Variants in HIVEP2 observed in about 807,000 individuals in gnomAD.
HIVEP2 encodes the protein HIVEP zinc finger 2.
A neutral mutation model predicts 180.7 loss-of-function variants in HIVEP2; 14 were observed. The observed-to-expected ratio is 0.08, with a 90% confidence interval of 0.05 to 0.12. The LOEUF (loss-of-function observed/expected upper bound fraction) is 0.12. Ranked by LOEUF, HIVEP2 falls within the 10% of genes least tolerant of loss-of-function variation. The probability of loss-of-function intolerance (pLI) is 1.00; values close to 1 mark genes in which losing one functional copy is unlikely to be tolerated. For synonymous variants in HIVEP2, 1,184 were observed against 1,136.4 expected, an observed-to-expected ratio of 1.04 and a Z score of -0.84; for missense variants, 2,579 against 3,008.5, an observed-to-expected ratio of 0.86 and a Z score of 3.34.
chr6:142,843,348 G>A (rs1002148952), intron 1 of HIVEP2, among the ~76,000 whole-genome samples: 1 of 152,074 alleles, frequency 6.6e-6, no homozygotes, highest in Non-Finnish European at 1.5e-5. Flanking sequence ...AGGTGACTGA[G>A]CTAATACAGA....
At chr6:142,754,270 CAA>C (rs34687776) in intron 9 of HIVEP2, among the ~76,000 whole-genome samples, 3 of 132,834 alleles carry the variant, frequency 2.3e-5, no homozygotes, top group Admixed American at 7.3e-5. Flanking sequence ...GGATAATTGG[CAA>C]AAAAAAAAAG....
chr6:142,791,931 AGGAGATTGCTTAGAAATGC>A, intron 2 of HIVEP2, among the ~76,000 whole-genome samples: 1 of 152,332 alleles, frequency 6.6e-6, no homozygotes, highest in South Asian at 2.1e-4. Flanking sequence ...ATATGAAGAC[AGGAGATTGCTTAGAAATGC>A]TGCATTTAAG....
chr6:142,825,973 G>A (rs935710204), intron 2 of HIVEP2, among the ~76,000 whole-genome samples: 3 of 151,782 alleles, frequency 2.0e-5, no homozygotes, highest in African/African-American at 7.3e-5. Flanking sequence ...TTAAAATAAA[G>A]CAATAAATAT....
rs1480804660 is a variant in HIVEP2, at chr6:142,773,056, T to C, written c.1683A>G (p.Arg561=). The change falls in exon 5 of 10, where the codon AGA becomes AGG. Residue 561 remains arginine, a synonymous_variant. Coordinates refer to ENST00000367603, the MANE Select transcript of HIVEP2 (RefSeq NM_006734.4). ...TCCTTTCATCAAATGAGTGACTTCC[T>C]CTCAAAGAAGGAGGAATAGTTAGAT... The part of the protein sequence containing the change: ...ATNLTIPPSL[R]GSHSFDERMT... 1 of 1,614,212 alleles carries C rather than the reference T, an allele frequency of 6.2e-7. No homozygotes were observed. Among genetic ancestry groups the C allele is most frequent in the South Asian group, 1.1e-5 (1 of 91,080 alleles).
At chr6:142,909,891 C>T (rs1205430630) in intron 1 of HIVEP2, among the ~76,000 whole-genome samples, 1 of 152,138 alleles carries the variant, frequency 6.6e-6, no homozygotes, top group African/African-American at 2.4e-5. Flanking sequence ...TTTGCTTACC[C>T]CTGCACTCTT....
At chr6:142,904,027 G>A (rs1429878457) in intron 1 of HIVEP2, among the ~76,000 whole-genome samples, 1 of 152,140 alleles carries the variant, frequency 6.6e-6, no homozygotes, top group Non-Finnish European at 1.5e-5. Context: ...TATGGAGGGG[G>A]CAGGAAGTGA....
At chr6:142,785,184 C>T (rs197499) in intron 2 of HIVEP2, among the ~76,000 whole-genome samples, 79,947 of 151,452 alleles carry the variant, frequency 0.53, 21,924 homozygotes, top group Non-Finnish European at 0.6. Context: ...CCACCGTGCC[C>T]GGCCAACTAT....
chr6:142,786,457 G>T (rs1776000862), intron 2 of HIVEP2, among the ~76,000 whole-genome samples: 1 of 152,110 alleles, frequency 6.6e-6, no homozygotes, highest in South Asian at 2.1e-4. Flanking sequence ...CATACAAGAT[G>T]GTTTTTCTGT....
chr6:142,886,485 A>T (rs1039733653), intron 1 of HIVEP2, among the ~76,000 whole-genome samples: 8 of 152,318 alleles, frequency 5.3e-5, no homozygotes, highest in African/African-American at 1.7e-4. Flanking sequence ...ATATTTAAAT[A>T]TCTAAAAATG....
chr6:142,855,013 T>G (rs1775781916), intron 1 of HIVEP2, among the ~76,000 whole-genome samples: 1 of 152,216 alleles, frequency 6.6e-6, no homozygotes, highest in African/African-American at 2.4e-5. Flanking sequence ...CAGAAAAAGT[T>G]TGGCTTAGTC....
chr6:142,932,476 A>G (rs774598547), intron 1 of HIVEP2, among the ~76,000 whole-genome samples: 2 of 152,218 alleles, frequency 1.3e-5, no homozygotes, highest in African/African-American at 2.4e-5. Context: ...GTTATTAAAA[A>G]AAACTCAGCC....
chr6:142,827,059 G>T (rs1774922796), intron 2 of HIVEP2, among the ~76,000 whole-genome samples: 1 of 152,050 alleles, frequency 6.6e-6, no homozygotes, highest in Non-Finnish European at 1.5e-5. Context: ...AGGAGCAATT[G>T]CTTCTTCTTC....
intron 2 of HIVEP2, among the ~76,000 whole-genome samples, chr6:142,827,625 G>A (rs1419909509): frequency 1.3e-5 from 2 of 152,240 alleles, no homozygotes; most frequent in Non-Finnish European, 2.9e-5. Flanking sequence ...CTGACCCTAA[G>A]CCAAGGGTGT....
chr6:142,854,667 A>G (rs187996010), intron 1 of HIVEP2, among the ~76,000 whole-genome samples: 6 of 152,192 alleles, frequency 3.9e-5, no homozygotes, highest in Non-Finnish European at 5.9e-5. Flanking sequence ...TGTAACTGAA[A>G]TTTTCCAGGG....
At chr6:142,899,485 T>C (rs1239789263) in intron 1 of HIVEP2, among the ~76,000 whole-genome samples, 1 of 152,250 alleles carries the variant, frequency 6.6e-6, no homozygotes, top group Non-Finnish European at 1.5e-5. Flanking sequence ...GCCTGCTCTT[T>C]ATTGCATGCT....
intron 8 of HIVEP2, 66 bp from the exon 9 acceptor site, chr6:142,760,733 G>A (rs1775210328): frequency 8.3e-7 from 1 of 1,212,044 alleles, no homozygotes; most frequent in Admixed American, 2.4e-5. Context: ...TCTTATTTAA[G>A]CCTCATTTCT....
At chr6:142,858,775 G>A (rs1775893875) in intron 1 of HIVEP2, among the ~76,000 whole-genome samples, 1 of 151,842 alleles carries the variant, frequency 6.6e-6, no homozygotes, top group Admixed American at 6.6e-5. Context: ...TGTATTTTTA[G>A]TAGACACGGG....
chr6:142,897,271 C>T (rs184201330), intron 1 of HIVEP2, among the ~76,000 whole-genome samples: 128 of 152,256 alleles, frequency 8.4e-4, no homozygotes, highest in African/African-American at 3.0e-3. Context: ...AGTTAGGACC[C>T]TCATGCATGT....
In HIVEP2 at chr6:142,752,238, T is replaced by G. The variant is rs1450379153; in HGVS notation, c.*869A>C. ...ATGTTTTCCCATATTTTTAGATGAGTATATAGATCAACATGTTCACATAAG... is the reference window on the plus strand; with the variant it reads ...ATGTTTTCCCATATTTTTAGATGAGGATATAGATCAACATGTTCACATAAG... On this transcript the variant is annotated 3_prime_UTR_variant, in exon 10 of 10. Coordinates refer to ENST00000367603, the MANE Select transcript of HIVEP2 (RefSeq NM_006734.4). The G allele has an allele frequency of 6.6e-6, 1 of 152,664 alleles. No individual in the cohort carries two copies. The highest frequency in any genetic ancestry group is 1.5e-5 in the Non-Finnish European group (1 of 68,052). The allele number at this position is 152,664 out of a possible 1,614,324, so 9.5% of individuals were successfully genotyped here. A position where few individuals can be genotyped will look rare whatever the true frequency, so the allele number is the denominator to read the frequency against.
Sources: allele counts gnomAD v4.1 joint callset (sites outside exome capture counted in the v4.1 genomes callset), GRCh38; gene constraint gnomAD v4.1.1; transcripts MANE v1.5; gene names NCBI Gene and HGNC (gene_info 2026-07-23, HGNC 2026-07-21).